Variants in DGKG observed in about 807,000 individuals in gnomAD.
The protein encoded by DGKG is DAG kinase gamma.
A neutral mutation model predicts 105.3 loss-of-function variants in DGKG; 78 were observed. The observed-to-expected ratio is 0.74, with a 90% CI of 0.62 to 0.89. The LOEUF is 0.89. Ranked by LOEUF, DGKG falls within the 40% of genes least tolerant of loss-of-function variation. The pLI, the probability that DGKG is intolerant of heterozygous loss-of-function variation, is 0.00. For missense variants in DGKG, 958 were observed against 1,020.1 expected, an observed-to-expected ratio of 0.94 and a Z score of 0.83; for synonymous variants, 346 against 367.1, an observed-to-expected ratio of 0.94 and a Z score of 0.66.
intron 11 of DGKG, among the ~76,000 whole-genome samples, chr3:186,271,906 C>T (rs1416685997): frequency 6.6e-6 from 1 of 152,184 alleles, no homozygotes; most frequent in African/African-American, 2.4e-5. Flanking sequence ...GCAACTTGCC[C>T]CGTGCTTCCA....
chr3:186,348,141 T>C (rs1250386537), intron 1 of DGKG, among the ~76,000 whole-genome samples: 3 of 152,178 alleles, frequency 2.0e-5, no homozygotes, highest in East Asian at 1.9e-4. Flanking sequence ...AAGTTTCTTA[T>C]GTATCTTCTT....
chr3:186,345,064 G>A (rs1281504723), intron 1 of DGKG, among the ~76,000 whole-genome samples: 2 of 152,044 alleles, frequency 1.3e-5, no homozygotes, highest in African/African-American at 2.4e-5. Context: ...TCAGTTTGGG[G>A]TGCAATATTA....
intron 2 of DGKG, among the ~76,000 whole-genome samples, chr3:186,312,085 C>T (rs1724576436): frequency 9.8e-6 from 1 of 101,886 alleles, no homozygotes; most frequent in Non-Finnish European, 1.6e-5. Context: ...CACTGCAGTC[C>T]GCAGTCCGGC....
At chr3:186,246,028 G>A (rs1254902591) in intron 19 of DGKG, among the ~76,000 whole-genome samples, 1 of 152,052 alleles carries the variant, frequency 6.6e-6, no homozygotes, top group African/African-American at 2.4e-5. Context: ...CTGGAGTGCA[G>A]TGCCATGATC....
chr3:186,232,087 C>A (rs1020648535), intron 20 of DGKG, among the ~76,000 whole-genome samples: 1 of 151,998 alleles, frequency 6.6e-6, no homozygotes, highest in African/African-American at 2.4e-5. Context: ...TTTCATTTAC[C>A]CTGCACGATA....
chr3:186,153,719 C>T (rs114636144), intron 24 of DGKG, among the ~76,000 whole-genome samples: 1,609 of 152,290 alleles, frequency 0.011, 32 homozygotes, highest in African/African-American at 0.037. Flanking sequence ...GGACTTCTTC[C>T]TGAATGTTGC....
intron 11 of DGKG, among the ~76,000 whole-genome samples, chr3:186,270,335 G>A (rs1420038073): frequency 2.6e-5 from 4 of 152,110 alleles, no homozygotes; most frequent in Admixed American, 2.6e-4. Flanking sequence ...TCACCATGTT[G>A]CCCCGGCTGG....
chr3:186,358,280 G>A (rs1269673925), intron 1 of DGKG, among the ~76,000 whole-genome samples: 2 of 152,266 alleles, frequency 1.3e-5, no homozygotes, highest in Admixed American at 1.3e-4. Flanking sequence ...AGCGAGGTAA[G>A]CTTACGCACA....
chr3:186,218,224 G>C (rs939984954), intron 20 of DGKG, among the ~76,000 whole-genome samples: 2 of 152,120 alleles, frequency 1.3e-5, no homozygotes, highest in African/African-American at 2.4e-5. Context: ...AGGGCTTGGG[G>C]CCGGGCACAG....
chr3:186,162,608 C>T (rs978590731), intron 23 of DGKG, among the ~76,000 whole-genome samples: 4 of 152,040 alleles, frequency 2.6e-5, no homozygotes, highest in South Asian at 2.1e-4. Flanking sequence ...GGCACCATCT[C>T]GGCTCACTGC....
At chr3:186,261,812 C>G (rs547216094) in intron 14 of DGKG, 34 bp from the exon 15 acceptor site, 1 of 1,417,622 alleles carries the variant, frequency 7.1e-7, no homozygotes, top group African/African-American at 1.4e-5. Context: ...ATTAGCTCTG[C>G]TTCATCCAAT....
In DGKG at chr3:186,279,892, T is replaced by C; in HGVS notation, c.751A>G (p.Thr251Ala). 6.2e-7 allele frequency: 1 copy of C among 1,613,942 alleles called. No homozygotes were observed. Residue 251 changes from threonine (T) to alanine (A), a missense_variant, in exon 9 of 25, where the codon ACC becomes GCC. By Grantham distance (58) the Thr-to-Ala change is moderately conservative. Around this residue, in one of 2 missense-constraint regions of DGKG, gnomAD observed 643 missense variants for 619.5 expected, o/e 1.04. Transcript: ENST00000265022. The part of the protein sequence containing the change: ...SLQEWVHGGM[T>A]TIPLLVLLGM... ...AGGAGGACCAGCAATGGGATGGTGG[T>C]CATCCCTCCATGGACCCATTCCTGT...
At chr3:186,209,248 C>A (rs1042669403) in intron 21 of DGKG, among the ~76,000 whole-genome samples, 1 of 151,824 alleles carries the variant, frequency 6.6e-6, no homozygotes, top group Non-Finnish European at 1.5e-5. Flanking sequence ...CTACAGGCGC[C>A]CACCACCCAC....
intron 2 of DGKG, 54 bp downstream of exon 2, chr3:186,320,339 A>C (rs1296629729): frequency 1.9e-6 from 3 of 1,610,556 alleles, no homozygotes; most frequent in Non-Finnish European, 2.5e-6. Flanking sequence ...TCCAGAAATG[A>C]TTTCTCCAGC....
chr3:186,236,339 A>G (rs1381559491), intron 20 of DGKG, among the ~76,000 whole-genome samples: 1 of 152,240 alleles, frequency 6.6e-6, no homozygotes, highest in Non-Finnish European at 1.5e-5. Flanking sequence ...TCAATACTTT[A>G]TCGTCAATTT....
intron 1 of DGKG, among the ~76,000 whole-genome samples, chr3:186,340,334 T>C (rs912765795): frequency 6.6e-6 from 1 of 152,134 alleles, no homozygotes; most frequent in African/African-American, 2.4e-5. Context: ...GCTGGATGTG[T>C]GGGCCAGACT....
chr3:186,288,866 C>A lies in DGKG; in HGVS notation c.388G>T (p.Glu130Ter). The change falls in exon 6 of 25, where the codon GAG becomes TAG. Residue 130 changes from glutamate to a stop codon, truncating the protein, a stop_gained. Coordinates refer to ENST00000265022, the MANE Select transcript of DGKG (RefSeq NM_001346.3). LOFTEE classifies it high-confidence loss of function. ...CAPDTESNMA[E>*]KQAPAEDQVA... ...TGGTCTTCAGCTGGTGCTTGCTTCT[C>A]AGCCATATTTGATTCTGCGATGAAC... 6.3e-7 allele frequency: 1 copy of A among 1,578,830 alleles called. No homozygotes were observed.
At chr3:186,236,522 A>T (rs751243543) in intron 20 of DGKG, among the ~76,000 whole-genome samples, 2 of 152,260 alleles carry the variant, frequency 1.3e-5, no homozygotes, top group African/African-American at 4.8e-5. Flanking sequence ...CATAGCTAAT[A>T]AGCGGCAAAG....
Position 186,270,326 on chromosome 3 carries a change from C to T in DGKG, c.1000-1409G>A, listed in dbSNP as rs140289613. Among the ~76,000 whole-genome samples, 18 of 152,314 alleles carry T rather than the reference C, an allele frequency of 1.2e-4. No individual in the cohort carries two copies. In the East Asian group the frequency reaches 2.7e-3, roughly 23 times the overall value. ...TCTTCTTTTTGTAAAGACAGGATCT[C>T]ACCATGTTGCCCCGGCTGGTCTCAA... On this transcript the variant is annotated intron_variant, in intron 11 of 24. Coordinates refer to ENST00000265022, the MANE Select transcript of DGKG (RefSeq NM_001346.3).
Sources: gnomAD v4.1 joint callset for allele counts (sites outside exome capture counted in the v4.1 genomes callset) on GRCh38, gnomAD v4.1.1 for gene constraint, gnomAD v4.1.1 regional missense constraint, MANE v1.5 for transcripts, NCBI Gene and HGNC (gene_info 2026-07-23, HGNC 2026-07-21) for gene names.